The following ADGRG6 variants were observed in gnomAD, a reference collection of about 807,000 sequenced individuals.
ADGRG6 encodes the protein adhesion G protein-coupled receptor G6.
ADGRG6 carries 84 observed loss-of-function variants against 142.4 expected under a neutral mutation model. The ratio of observed to expected loss-of-function variants is 0.59; its 90% CI spans 0.49 to 0.71. The LOEUF (loss-of-function observed/expected upper bound fraction) is 0.71, where lower values mean the gene tolerates loss of function less well. Ranked by LOEUF, ADGRG6 falls within the 30% of genes least tolerant of loss-of-function variation. The pLI, the probability that ADGRG6 is intolerant of heterozygous loss-of-function variation, is 0.00. For missense variants in ADGRG6, 1,367 were observed against 1,466.6 expected (o/e 0.93, Z 1.11); for synonymous variants, 521 against 520.5 (o/e 1.00, Z -0.01).
At chr6:142,317,812 A>T (rs1157016414) in intron 2 of ADGRG6, among the ~76,000 whole-genome samples, 2 of 91,582 alleles carry the variant, frequency 2.2e-5, no homozygotes, top group Non-Finnish European at 3.9e-5. Flanking sequence ...ATATATATTT[A>T]TATATATTAA....
intron 8 of ADGRG6, among the ~76,000 whole-genome samples, chr6:142,393,429 C>T (rs1483141416): frequency 6.6e-6 from 1 of 151,996 alleles, no homozygotes; most frequent in Admixed American, 6.6e-5. Context: ...CGAAATTATC[C>T]TTCACTGTAT....
At chr6:142,327,767 G>T (rs576626458) in intron 2 of ADGRG6, among the ~76,000 whole-genome samples, 2 of 152,136 alleles carry the variant, frequency 1.3e-5, no homozygotes, top group East Asian at 1.9e-4. Flanking sequence ...GTTGAAATAT[G>T]CCTCCATGAC....
intron 2 of ADGRG6, among the ~76,000 whole-genome samples, chr6:142,315,832 TAAATAAATAAATAAATA>T (rs1223191778): frequency 1.6e-5 from 2 of 128,854 alleles, no homozygotes; most frequent in African/African-American, 6.9e-5. Context: ...AATAAATAAA[TAAATAAATAAATAAATA>T]AATAAATAAA....
intron 6 of ADGRG6, among the ~76,000 whole-genome samples, chr6:142,386,572 C>T (rs577065251): frequency 6.6e-6 from 1 of 152,168 alleles, no homozygotes; most frequent in South Asian, 2.1e-4. Flanking sequence ...GTGAGGAGCA[C>T]CTCCTGCCAC....
intron 5 of ADGRG6, 67 bp from the exon 6 acceptor site, chr6:142,383,693 A>AT (rs1426710417): frequency 1.3e-6 from 1 of 760,708 alleles, no homozygotes; most frequent in East Asian, 2.5e-5. Context: ...TTAATTATAG[A>AT]TTGCTTATCC....
At chr6:142,404,660 AAAT>A (rs1775707953) in intron 14 of ADGRG6, among the ~76,000 whole-genome samples, 1 of 151,858 alleles carries the variant, frequency 6.6e-6, no homozygotes, top group South Asian at 2.1e-4. Context: ...AAAAAGAAAA[AAAT>A]AATCTTCTGG....
At chr6:142,384,055 C>G (rs1010831336) in intron 6 of ADGRG6, among the ~76,000 whole-genome samples, 10 of 151,984 alleles carry the variant, frequency 6.6e-5, no homozygotes, top group African/African-American at 2.4e-4. Flanking sequence ...ATCTCCAGTA[C>G]TCCTCTTTTG....
At chr6:142,407,997 C>T (rs1775893873) in intron 15 of ADGRG6, among the ~76,000 whole-genome samples, 153 bp from the exon 16 acceptor site, 2 of 152,160 alleles carry the variant, frequency 1.3e-5, no homozygotes, top group African/African-American at 4.8e-5. Flanking sequence ...AAACCTCCTT[C>T]AGGAAAGCCA....
chr6:142,337,315 A>G (rs979892566), intron 2 of ADGRG6, among the ~76,000 whole-genome samples: 1 of 152,208 alleles, frequency 6.6e-6, no homozygotes, highest in Admixed American at 6.5e-5. Context: ...ATAGCATCAC[A>G]GTTTAAGGAT....
intron 2 of ADGRG6, among the ~76,000 whole-genome samples, chr6:142,351,594 A>C (rs908321305): frequency 3.3e-5 from 5 of 152,218 alleles, no homozygotes; most frequent in African/African-American, 9.7e-5. Context: ...CAAAATTATA[A>C]AAACCCTGGA....
intron 2 of ADGRG6, among the ~76,000 whole-genome samples, chr6:142,323,078 G>A (rs1447332731): frequency 6.6e-6 from 1 of 151,544 alleles, no homozygotes; most frequent in Non-Finnish European, 1.5e-5. Flanking sequence ...TGTTTCTGAA[G>A]AAGCACCTGC....
rs1423956588 is a variant in ADGRG6, at chr6:142,405,412, T to G, written c.2128-276T>G. On this transcript the variant is annotated intron_variant, in intron 14 of 24. Transcript: ENST00000367609. ...TGCTGGTAAATCTAATTCTTATACT[T>G]GAAAATGTTGACTGATTTATAGATT... 3 of 531,582 alleles carry G rather than the reference T, an allele frequency of 5.6e-6. No homozygotes were observed. In the East Asian group the frequency reaches 1.4e-4, roughly 25 times the overall value. The allele number at this position is 531,582 out of a possible 1,614,324, so 32.9% of individuals were successfully genotyped here.
Position 142,411,369 on chromosome 6 carries a change from A to G in ADGRG6, c.2499A>G (p.Thr833=). ...VAHRDSDASE[T]VCLCNHFTHF... ...ACAGAGATTCAGATGCAAGTGAGAC[A>G]GTCTGCCTGTGTAACCACTTCACAC... The change falls in exon 18 of 25, where the codon ACA becomes ACG. Residue 833 remains threonine (T), a synonymous_variant. Coordinates refer to ENST00000367609, the MANE Select transcript of ADGRG6 (RefSeq NM_198569.3). 1.2e-6 allele frequency: 2 copies of G among 1,607,892 alleles called. No homozygotes were observed. The highest frequency in any genetic ancestry group is 1.7e-6 in the Non-Finnish European group (2 of 1,174,518).
At chr6:142,371,526 C>G (rs1781260546) in intron 4 of ADGRG6, among the ~76,000 whole-genome samples, 1 of 148,522 alleles carries the variant, frequency 6.7e-6, no homozygotes, top group Non-Finnish European at 1.5e-5. Context: ...CTATGCTGCC[C>G]AGGCTGGAGT....
rs895013526 is a variant in ADGRG6, at chr6:142,370,951, T to C, written c.1069+158T>C. The stretch of plus-strand genomic sequence containing the variant: ...GTTGTCATTAAAAAGCTCTTTTAAT[T>C]TTTAAAATGTCGTCTGCTCAGCTCT... On this transcript the variant is annotated intron_variant, in intron 4 of 24. Coordinates refer to ENST00000367609, the MANE Select transcript of ADGRG6 (RefSeq NM_198569.3). The C allele has an allele frequency of 4.0e-6, 3 of 747,726 alleles. No individual in the cohort carries two copies. The African/African-American group carries it at 5.3e-5, about 13-fold the overall frequency. 46.3% of individuals were successfully genotyped at this position (747,726 alleles called of 1,614,324 possible). A position where few individuals can be genotyped will look rare whatever the true frequency, so the allele number is the denominator to read the frequency against.
Position 142,383,818 on chromosome 6 carries a change from TA to T in ADGRG6, c.1199del (p.Asn400ThrfsTer17). 2 of 1,563,108 alleles carry T rather than the reference TA, an allele frequency of 1.3e-6. No homozygotes were observed. Among genetic ancestry groups the T allele is most frequent in the Non-Finnish European group, 1.8e-6 (2 of 1,134,112 alleles). ...CTGTCACCACTAACATGCCTGTTAC[TA>T]ACAGAATCGATAAACAAAGGAATGG... ...PTVTTNMPVT[N>X]RIDKQRNDGI... On this transcript the variant is annotated frameshift_variant, in exon 6 of 25. Coordinates refer to ENST00000367609, the MANE Select transcript of ADGRG6 (RefSeq NM_198569.3). LOFTEE classifies it high-confidence loss of function.
chr6:142,359,025 A>C (rs1780586332), intron 2 of ADGRG6, among the ~76,000 whole-genome samples: 1 of 149,996 alleles, frequency 6.7e-6, no homozygotes, highest in Non-Finnish European at 1.5e-5. Flanking sequence ...GGGCAACATT[A>C]TGAGATCCCC....
At chr6:142,382,551 G>A (rs1376723685) in intron 5 of ADGRG6, among the ~76,000 whole-genome samples, 1 of 152,098 alleles carries the variant, frequency 6.6e-6, no homozygotes, top group African/African-American at 2.4e-5. Context: ...CTATATCGTG[G>A]TCAGTATTTC....
At chr6:142,329,483 G>T (rs1470265620) in intron 2 of ADGRG6, among the ~76,000 whole-genome samples, 2 of 152,012 alleles carry the variant, frequency 1.3e-5, no homozygotes, top group African/African-American at 4.8e-5. Flanking sequence ...AATTGTATAA[G>T]CATCAGCCAT....
Sources: allele counts gnomAD v4.1 joint callset (sites outside exome capture counted in the v4.1 genomes callset), GRCh38; gene constraint gnomAD v4.1.1; transcripts MANE v1.5; gene names NCBI Gene and HGNC (gene_info 2026-07-23, HGNC 2026-07-21).